Variants in GDA observed in about 807,000 individuals in gnomAD.
GDA encodes the protein cytoplasmic PSD-95 interactor.
A neutral mutation model predicts 59.6 loss-of-function variants in GDA; 18 were observed. That is an observed-to-expected ratio of 0.30 (90% confidence interval 0.21 to 0.45). GDA has a LOEUF of 0.45. GDA is among the 20% of genes least tolerant of loss of function. GDA has a pLI of 1.00. For synonymous variants in GDA, 201 were observed against 201.1 expected, an observed-to-expected ratio of 1.00 and a Z score of 0.00; for missense variants, 427 against 552.3, an observed-to-expected ratio of 0.77 and a Z score of 2.27.
chr9:72,255,038 T>C (rs1379326570), downstream of GDA, among the ~76,000 whole-genome samples: 2 of 152,132 alleles, frequency 1.3e-5, no homozygotes, highest in Non-Finnish European at 2.9e-5. Context: ...GCCCTCAAAT[T>C]GGAGCTTTGC....
At chr9:72,205,488 A>T (rs2131376370) in intron 3 of GDA, among the ~76,000 whole-genome samples, 1 of 152,368 alleles carries the variant, frequency 6.6e-6, no homozygotes, top group African/African-American at 2.4e-5. Context: ...GCAAAGAACG[A>T]TTCCAGAATC....
chr9:72,133,300 A>AT lies in GDA; in HGVS notation c.-100+18467_-100+18468insT, dbSNP rs1330202875. ...CAAGACTCTGTCTAAAAAAAAAAAA[A>AT]AAAAAAAAAATAATAATAATAATAA... is the stretch of plus-strand genomic sequence containing the variant. On this transcript the variant is annotated intron_variant, in intron 1 of 13. Transcript: ENST00000545168. Among the ~76,000 whole-genome samples, 336 of 138,072 alleles carry AT rather than the reference A, an allele frequency of 2.4e-3. 2 individuals carry two copies. Among genetic ancestry groups the AT allele is most frequent in the African/African-American group, 7.2e-3 (275 of 38,060 alleles). 90.6% of individuals were successfully genotyped at this position (138,072 alleles called of 152,430 possible).
intron 1 of GDA, among the ~76,000 whole-genome samples, chr9:72,160,410 G>A (rs1292290277): frequency 1.3e-5 from 2 of 152,092 alleles, no homozygotes; most frequent in Non-Finnish European, 1.5e-5. Context: ...CTTCACCTCT[G>A]CAACAATCAC....
intron 7 of GDA, among the ~76,000 whole-genome samples, chr9:72,224,155 T>C (rs929626451): frequency 1.3e-5 from 2 of 152,172 alleles, no homozygotes; most frequent in Non-Finnish European, 2.9e-5. Context: ...AAAATACACA[T>C]GAACATTTAA....
intron 1 of GDA, among the ~76,000 whole-genome samples, chr9:72,189,449 A>T (rs1359822221): frequency 2.0e-5 from 3 of 152,018 alleles, no homozygotes; most frequent in Admixed American, 2.0e-4. Context: ...AAGTGCTGGG[A>T]TTACAGGCGT....
At chr9:72,209,668 CATACTGTGATGCT>C (rs1667159576) in intron 3 of GDA, among the ~76,000 whole-genome samples, 1 of 152,040 alleles carries the variant, frequency 6.6e-6, no homozygotes, top group Non-Finnish European at 1.5e-5. Context: ...GACATACATT[CATACTGTGATGCT>C]ATAAGGTGCT....
At position 72,250,220 on chromosome 9, in the gene GDA, G is replaced by A. The variant is rs1840552192; in HGVS notation, c.*1878G>A. 2.0e-6 allele frequency: 2 copies of A among 987,016 alleles called. No homozygotes were observed. The highest frequency in any genetic ancestry group is 2.4e-6 in the Non-Finnish European group (2 of 831,098). 61.1% of individuals were successfully genotyped at this position (987,016 alleles called of 1,614,324 possible). ...TGTCTAACCAAATGAGCAGGCTTAGGAATTTAGATGAGATGTGTAAGATTC... is the reference window on the plus strand; with the variant it reads ...TGTCTAACCAAATGAGCAGGCTTAGAAATTTAGATGAGATGTGTAAGATTC... On this transcript the variant is annotated 3_prime_UTR_variant, in exon 14 of 14. Coordinates refer to ENST00000358399, the MANE Select transcript of GDA (RefSeq NM_004293.5).
intron 11 of GDA, among the ~76,000 whole-genome samples, chr9:72,241,658 GAGGC>G (rs564404958): frequency 5.8e-4 from 88 of 152,246 alleles, no homozygotes; most frequent in African/African-American, 1.9e-3. Context: ...TTGGGAAGCT[GAGGC>G]AGGCAGATTG....
chr9:72,250,753 A>G lies in GDA; in HGVS notation c.*2411A>G, dbSNP rs1432489922. 2 of 1,612,094 alleles carry G rather than the reference A, an allele frequency of 1.2e-6. No homozygotes were observed. Among genetic ancestry groups the G allele is most frequent in the Non-Finnish European group, 1.7e-6 (2 of 1,179,324 alleles). On this transcript the variant is annotated 3_prime_UTR_variant, in exon 14 of 14. Coordinates refer to ENST00000358399, the MANE Select transcript of GDA (RefSeq NM_004293.5). Reference sequence around the variant, plus strand: ...TTAATATCTTGCTCTCTGACAGGAAAGAAACAATTCACTTACCAGCCTCCT... The same window carrying G: ...TTAATATCTTGCTCTCTGACAGGAAGGAAACAATTCACTTACCAGCCTCCT...
chr9:72,256,549 G>A (rs573563601), downstream of GDA, among the ~76,000 whole-genome samples: 1 of 152,300 alleles, frequency 6.6e-6, no homozygotes, highest in South Asian at 2.1e-4. Flanking sequence ...TCTAAGCCTG[G>A]AAGAAGAGTA....
chr9:72,241,219 C>T lies in GDA; in HGVS notation c.1056C>T (p.Ile352=), dbSNP rs1329983032. ...AIRRAVMVSN[I]LLINKVNEKS... ...GAAGAGCAGTGATGGTTTCCAATATCCTTTTAATTAATAAGGTAAATGAGA... is the reference window on the plus strand; with the variant it reads ...GAAGAGCAGTGATGGTTTCCAATATTCTTTTAATTAATAAGGTAAATGAGA... The change falls in exon 11 of 14, where the codon ATC becomes ATT. Residue 352 remains isoleucine, a synonymous_variant. Transcript: ENST00000358399. The T allele has an allele frequency of 1.9e-6, 3 of 1,610,052 alleles. No individual in the cohort carries two copies. The highest frequency in any genetic ancestry group is 2.5e-6 in the Non-Finnish European group (3 of 1,176,734).
chr9:72,130,853 A>G (rs977727416), intron 1 of GDA, among the ~76,000 whole-genome samples: 2 of 152,084 alleles, frequency 1.3e-5, no homozygotes, highest in East Asian at 3.9e-4. Context: ...CTGGACAAAC[A>G]CTCAGGGGTT....
rs543473340 is a variant in GDA at position 72,185,780 on chromosome 9, G to C, written c.124-9720G>C. On this transcript the variant is annotated intron_variant, in intron 1 of 13. Coordinates refer to ENST00000358399, the MANE Select transcript of GDA (RefSeq NM_004293.5). ...ATCTGGTGTTTGAAGCCTGTATCTT[G>C]CAGCAGTTTTTTTCATTAGCTGACA... Among the ~76,000 whole-genome samples the C allele has an allele frequency of 2.6e-5, 4 of 152,256 alleles. No individual in the cohort carries two copies. In the East Asian group the frequency reaches 5.8e-4, roughly 22 times the overall value.
At chr9:72,239,122 C>T (rs960424451) in intron 10 of GDA, among the ~76,000 whole-genome samples, 42 of 152,178 alleles carry the variant, frequency 2.8e-4, no homozygotes, top group African/African-American at 9.2e-4. Flanking sequence ...CTAATCCAGT[C>T]GGGAAGAATC....
rs184269067 is a variant in GDA, at chr9:72,158,863, G to A, written c.123+9181G>A. 2.7e-4 allele frequency among the ~76,000 whole-genome samples: 40 copies of A among 147,324 alleles called. No individual in the cohort carries two copies. The East Asian group carries it at 7.5e-3, about 28-fold the overall frequency. On this transcript the variant is annotated intron_variant, in intron 1 of 13. Transcript: ENST00000358399. ...TACAAATCAACAACCTTGAGACAAG[G>A]TAAGGACACCATCATCATCATCATC...
intron 1 of GDA, among the ~76,000 whole-genome samples, chr9:72,185,108 A>G (rs1166175949): frequency 6.6e-6 from 1 of 152,234 alleles, no homozygotes; most frequent in East Asian, 1.9e-4. Context: ...TTGCTACTAT[A>G]TTGTCTATGG....
At chr9:72,126,429 A>G (rs908832855) in intron 1 of GDA, among the ~76,000 whole-genome samples, 3 of 152,298 alleles carry the variant, frequency 2.0e-5, no homozygotes, top group Admixed American at 2.0e-4. Context: ...AGTAGCAGCC[A>G]TGAACTGTAG....
chr9:72,243,971 C>T (rs1839889621), intron 11 of GDA, among the ~76,000 whole-genome samples: 1 of 152,078 alleles, frequency 6.6e-6, no homozygotes, highest in East Asian at 1.9e-4. Context: ...GTTAGGAGAT[C>T]GAGACCATCC....
chr9:72,150,360 A>G (rs1275619466), intron 1 of GDA, among the ~76,000 whole-genome samples: 1 of 151,898 alleles, frequency 6.6e-6, no homozygotes, highest in Admixed American at 6.6e-5. Flanking sequence ...CACACACACC[A>G]TAGCCATTTG....
Sources: allele counts gnomAD v4.1 joint callset (sites outside exome capture counted in the v4.1 genomes callset), GRCh38; gene constraint gnomAD v4.1.1; transcripts MANE v1.5; gene names NCBI Gene and HGNC (gene_info 2026-07-23, HGNC 2026-07-21).